Variants in MON1A observed in about 807,000 individuals in gnomAD.
The protein encoded by MON1A is MON1 vesicular trafficking associated A.
MON1A carries 29 observed loss-of-function variants against 44.6 expected under a neutral mutation model. The ratio of observed to expected loss-of-function variants is 0.65; its 90% confidence interval spans 0.48 to 0.89. The LOEUF (loss-of-function observed/expected upper bound fraction) is 0.89, where lower values mean the gene tolerates loss of function less well. Among genes scored for constraint, MON1A ranks in the 40% least tolerant of loss-of-function variants. The pLI, the probability that MON1A is intolerant of heterozygous loss-of-function variation, is 0.00. For missense variants in MON1A, 615 were observed against 759.6 expected (o/e 0.81, Z 2.24); for synonymous variants, 275 against 316.4 (o/e 0.87, Z 1.39).
Position 49,908,923 on chromosome 3 carries a change from G to T in MON1A, c.*91C>A. 1 of 1,447,256 alleles carries T rather than the reference G, an allele frequency of 6.9e-7. No homozygotes were observed. The highest frequency in any genetic ancestry group is 9.3e-7 in the Non-Finnish European group (1 of 1,074,128). The allele number at this position is 1,447,256 out of a possible 1,614,324, so 89.7% of individuals were successfully genotyped here. ...ACCAACCCACAGTCCCTGCCCGCTG[G>T]CTGGGCAAGAGAGGCCAGCCCCCAT... On this transcript the variant is annotated 3_prime_UTR_variant, in exon 6 of 6. Coordinates refer to ENST00000296473, the MANE Select transcript of MON1A (RefSeq NM_032355.4).
At chr3:49,927,668 G>T (rs1379758147) in intron 1 of MON1A, among the ~76,000 whole-genome samples, 1 of 152,164 alleles carries the variant, frequency 6.6e-6, no homozygotes, top group Non-Finnish European at 1.5e-5. Context: ...AGGCTAACTG[G>T]TTGTTCACTG....
chr3:49,911,486 G>C lies in MON1A; in HGVS notation c.613+40C>G, dbSNP rs1243900474. ...CAAAACCTGCTATGAATGAACCTTG[G>C]CCAGGGGAGCCCGCCCCATTCCCTC... On this transcript the variant is annotated intron_variant, in intron 3 of 5. Coordinates refer to ENST00000296473, the MANE Select transcript of MON1A (RefSeq NM_032355.4). The surrounding 1 kb of genome is among the most constrained non-coding windows in gnomAD (Gnocchi z 5.7). The C allele has an allele frequency of 6.4e-7, 1 of 1,568,896 alleles. No individual in the cohort carries two copies. The highest frequency in any genetic ancestry group is 1.3e-5 in the African/African-American group (1 of 74,156).
chr3:49,926,861 C>T (rs1029634385), intron 1 of MON1A, among the ~76,000 whole-genome samples: 3 of 151,850 alleles, frequency 2.0e-5, no homozygotes, highest in Non-Finnish European at 4.4e-5. Flanking sequence ...TCACTGCAAC[C>T]TCTGCCTCCT....
At chr3:49,928,216 G>A (rs1413074679) in intron 1 of MON1A, among the ~76,000 whole-genome samples, 2 of 152,124 alleles carry the variant, frequency 1.3e-5, no homozygotes, top group Non-Finnish European at 2.9e-5. Context: ...GCATCTCCTA[G>A]GTCAGTCTGG....
intron 1 of MON1A, among the ~76,000 whole-genome samples, chr3:49,922,704 C>CT (rs1215141576): frequency 0.03 from 4,333 of 142,180 alleles, 209 homozygotes; most frequent in African/African-American, 0.1. Context: ...AAGACAATTT[C>CT]TTTTTTTTTT....
In MON1A at chr3:49,911,768, G is replaced by T. The variant is rs1429748408; in HGVS notation, c.371C>A (p.Pro124Gln). 2.5e-6 allele frequency: 4 copies of T among 1,613,394 alleles called. No individual in the cohort carries two copies. The Admixed American group carries it at 5.0e-5, about 20-fold the overall frequency. ...TGTGGCTGGTCGCCCAACTGCCCCT[G>T]GGGGTTCCAGCCAATCCTCAGAGCT... Reference protein sequence around the residue: ...PGSSEDWLEPPGAVGRPATEP... With the variant: ...PGSSEDWLEPQGAVGRPATEP... The change falls in exon 3 of 6, where the codon CCA becomes CAA. Residue 124 changes from proline (P) to glutamine (Q), a missense_variant. Coordinates refer to ENST00000296473, the MANE Select transcript of MON1A (RefSeq NM_032355.4). This position sits in a 1 kb window ranked among gnomAD's most constrained non-coding sequence, Gnocchi z 5.7.
Position 49,908,961 on chromosome 3 carries a change from A to G in MON1A, c.*53T>C. On this transcript the variant is annotated 3_prime_UTR_variant, in exon 6 of 6. Coordinates refer to ENST00000296473, the MANE Select transcript of MON1A (RefSeq NM_032355.4). ...GGCCAGCCCCCATCTGGAGGCTCCTATGGCTTCCCACACCTAGTGTGTCCA... is the reference window on the plus strand; with the variant it reads ...GGCCAGCCCCCATCTGGAGGCTCCTGTGGCTTCCCACACCTAGTGTGTCCA... 1 of 1,555,482 alleles carries G rather than the reference A, an allele frequency of 6.4e-7. No individual in the cohort carries two copies. The highest frequency in any genetic ancestry group is 8.7e-7 in the Non-Finnish European group (1 of 1,147,894).
Position 49,929,756 on chromosome 3 carries a change from C to T in MON1A, c.-161G>A, listed in dbSNP as rs2083078995. 2 of 1,549,496 alleles carry T rather than the reference C, an allele frequency of 1.3e-6. No individual in the cohort carries two copies. The highest frequency in any genetic ancestry group is 1.4e-5 in the African/African-American group (1 of 73,050). ...CCCCCTGCGTACACAGACATGGCCA[C>T]AGCGCAGGCACCGCTCCCTCCCACC... On this transcript the variant is annotated 5_prime_UTR_variant, in exon 1 of 6. The change creates a new upstream start codon in the 5' untranslated region. Coordinates refer to ENST00000296473, the MANE Select transcript of MON1A (RefSeq NM_032355.4).
At chr3:49,925,763 A>G (rs959568811) in intron 1 of MON1A, among the ~76,000 whole-genome samples, 1 of 152,188 alleles carries the variant, frequency 6.6e-6, no homozygotes, top group Admixed American at 6.6e-5. Flanking sequence ...TGGAAAATAT[A>G]TTAAGTTGAA....
At chr3:49,929,521 G>A in intron 1 of MON1A, 88 bp downstream of exon 1, 1 of 1,430,030 alleles carries the variant, frequency 7.0e-7, no homozygotes, top group Non-Finnish European at 9.6e-7. Flanking sequence ...ATGGCTGGAG[G>A]CCCCCGTCTT....
At chr3:49,913,115 G>T in intron 2 of MON1A, 105 bp downstream of exon 2, 1 of 1,476,646 alleles carries the variant, frequency 6.8e-7, no homozygotes, top group Non-Finnish European at 9.4e-7. Flanking sequence ...ATGAGTGACT[G>T]ACAAATGCAT....
chr3:49,913,048 C>T (rs1340174280), intron 2 of MON1A, 172 bp downstream of exon 2: 1 of 846,678 alleles, frequency 1.2e-6, no homozygotes, highest in Admixed American at 2.0e-5. Context: ...GAGAGGAAAG[C>T]CAGATGCAGA....
At chr3:49,914,090 C>CT (rs776537293) in intron 1 of MON1A, among the ~76,000 whole-genome samples, 2,731 of 133,462 alleles carry the variant, frequency 0.02, 110 homozygotes, top group African/African-American at 0.068. Flanking sequence ...TCTTCTTCTT[C>CT]TTTTTTTTTT....
chr3:49,913,352 G>C lies in MON1A; in HGVS notation c.-6C>G, dbSNP rs768787203. On this transcript the variant is annotated 5_prime_UTR_variant, in exon 2 of 6. An upstream open reading frame in the 5' UTR gains an earlier in-frame stop. Transcript: ENST00000296473. ...CTCTGCATGTCAGTAGCCATCCTTT[G>C]AGCTCTCCTGTGGGGCAAACAAATG... is the stretch of plus-strand genomic sequence containing the variant. The C allele has an allele frequency of 1.9e-6, 3 of 1,610,400 alleles. No homozygotes were observed. The highest frequency in any genetic ancestry group is 2.5e-6 in the Non-Finnish European group (3 of 1,176,962).
chr3:49,918,355 A>C (rs1368240619), intron 1 of MON1A, among the ~76,000 whole-genome samples: 2 of 151,918 alleles, frequency 1.3e-5, no homozygotes, highest in Non-Finnish European at 2.9e-5. Flanking sequence ...AAGAACAAAA[A>C]AAAAGAACTT....
In MON1A at chr3:49,909,430, CA is replaced by C. The variant is rs2082849234; in HGVS notation, c.1380-31del. 6.2e-7 allele frequency: 1 copy of C among 1,612,344 alleles called. No individual in the cohort carries two copies. The highest frequency in any genetic ancestry group is 8.5e-7 in the Non-Finnish European group (1 of 1,179,408). On this transcript the variant is annotated intron_variant, in intron 4 of 5. Coordinates refer to ENST00000296473, the MANE Select transcript of MON1A (RefSeq NM_032355.4). This position sits in a 1 kb window ranked among gnomAD's most constrained non-coding sequence, Gnocchi z 4.0. ...AGACAGGGTGGAGGGAGTGGGTTTG[CA>C]AAGGAATGACTTCCACTGTCTTCTC...
chr3:49,919,268 T>C (rs530100404), intron 1 of MON1A, among the ~76,000 whole-genome samples: 1 of 152,350 alleles, frequency 6.6e-6, no homozygotes, highest in Non-Finnish European at 1.5e-5. Context: ...CTTTTCTATA[T>C]GTTTGTTTTA....
chr3:49,929,272 T>G, intron 1 of MON1A: 1 of 398,150 alleles, frequency 2.5e-6, no homozygotes, highest in Non-Finnish European at 4.6e-6. Context: ...GCCCCGCTCA[T>G]CCCAGTTACC....
At position 49,908,882 on chromosome 3, in the gene MON1A, G is replaced by A. The variant is rs2082840746; in HGVS notation, c.*132C>T. The A allele has an allele frequency of 1.9e-6, 2 of 1,029,968 alleles. No individual in the cohort carries two copies. Among genetic ancestry groups the A allele is most frequent in the South Asian group, 1.8e-5 (1 of 56,516 alleles). 63.8% of individuals were successfully genotyped at this position (1,029,968 alleles called of 1,614,324 possible). On this transcript the variant is annotated 3_prime_UTR_variant, in exon 6 of 6. Coordinates refer to ENST00000296473, the MANE Select transcript of MON1A (RefSeq NM_032355.4). ...GAGCTTGACAAGTGTCTTCCCCAAA[G>A]CACTTTAATGCATTCACCAACCCAC...
Sources: gnomAD v4.1 joint callset for allele counts (sites outside exome capture counted in the v4.1 genomes callset) on GRCh38, gnomAD v4.1.1 for gene constraint, Gnocchi (gnomAD v3.1) non-coding constraint, MANE v1.5 for transcripts, NCBI Gene and HGNC (gene_info 2026-07-23, HGNC 2026-07-21) for gene names.